RBFOX1: variants seen among roughly 807,000 people sequenced by gnomAD.
RBFOX1 encodes the protein RNA binding protein fox-1 homolog 1.
In RBFOX1, 8 loss-of-function variants were observed where a neutral mutation model predicts 57.7. The observed-to-expected ratio is 0.14, with a 90% CI of 0.08 to 0.25. RBFOX1 has a LOEUF of 0.25. Among genes scored for constraint, RBFOX1 ranks in the 10% least tolerant of loss-of-function variants. The pLI is 1.00. For missense variants in RBFOX1, 611 were observed against 548.5 expected, an observed-to-expected ratio of 1.11 and a Z score of -1.14; for synonymous variants, 326 against 222.4, an observed-to-expected ratio of 1.47 and a Z score of -4.15.
Position 7,176,278 on chromosome 16 carries a change from C to G in RBFOX1, c.27+124180C>G, listed in dbSNP as rs573350526. Among the ~76,000 whole-genome samples the G allele has an allele frequency of 3.2e-4, 48 of 149,344 alleles. 1 individual carries two copies. The highest frequency in any genetic ancestry group is 3.5e-3 in the Middle Eastern group (1 of 288). On this transcript the variant is annotated intron_variant, in intron 4 of 15. Coordinates refer to ENST00000550418, the MANE Select transcript of RBFOX1 (RefSeq NM_018723.4). ...TTACATGAGATAATGCATGTAAGTG[C>G]TTAGCACCATTTTGCATTTCTTTAG...
At chr16:6,891,387 A>G (rs927470596) in intron 3 of RBFOX1, among the ~76,000 whole-genome samples, 3 of 152,298 alleles carry the variant, frequency 2.0e-5, no homozygotes, top group Non-Finnish European at 2.9e-5. Context: ...GGGTCTACCC[A>G]GTTCTGAAAA....
intron 1 of RBFOX1, among the ~76,000 whole-genome samples, chr16:6,113,925 G>A (rs182310805): frequency 2.0e-5 from 3 of 152,174 alleles, no homozygotes; most frequent in Admixed American, 1.3e-4. Context: ...TCATTATTAC[G>A]ATCTGATACT....
chr16:7,120,765 T>A (rs572720840), intron 4 of RBFOX1, among the ~76,000 whole-genome samples: 3 of 148,110 alleles, frequency 2.0e-5, no homozygotes, highest in East Asian at 3.9e-4. Context: ...TCAACTCAAT[T>A]TATGAGTCTA....
intron 3 of RBFOX1, among the ~76,000 whole-genome samples, chr16:6,702,234 C>A (rs2061964322): frequency 6.6e-6 from 1 of 152,148 alleles, no homozygotes; most frequent in Admixed American, 6.6e-5. Context: ...GATCACATTT[C>A]AACATGAGAT....
intron 2 of RBFOX1, among the ~76,000 whole-genome samples, chr16:5,523,308 G>T (rs1175247363): frequency 6.6e-6 from 1 of 151,944 alleles, no homozygotes; most frequent in African/African-American, 2.4e-5. Context: ...AGAGGGGACA[G>T]GTGTCCCTTT....
intron 3 of RBFOX1, among the ~76,000 whole-genome samples, chr16:6,666,644 A>G (rs967071723): frequency 6.6e-6 from 1 of 151,992 alleles, no homozygotes; most frequent in Non-Finnish European, 1.5e-5. Context: ...CTTAACCTCT[A>G]GGCTGTACTG....
At chr16:6,499,754 C>T (rs1281622778) in intron 2 of RBFOX1, among the ~76,000 whole-genome samples, 1 of 152,118 alleles carries the variant, frequency 6.6e-6, no homozygotes, top group Non-Finnish European at 1.5e-5. Context: ...TATAATTTCA[C>T]TTGGAATCAG....
intron 3 of RBFOX1, among the ~76,000 whole-genome samples, chr16:6,706,508 T>G (rs1457868025): frequency 6.6e-6 from 1 of 152,208 alleles, no homozygotes; most frequent in East Asian, 1.9e-4. Flanking sequence ...GATCACTTAC[T>G]TTGCAGCCGT....
chr16:7,688,065 C>T (rs573534608), intron 14 of RBFOX1, among the ~76,000 whole-genome samples: 8 of 151,974 alleles, frequency 5.3e-5, no homozygotes, highest in Non-Finnish European at 1.0e-4. Context: ...GGGCTAAAAA[C>T]CTCTGCCTTA....
At chr16:5,794,321 T>A (rs2054802383) in intron 3 of RBFOX1, among the ~76,000 whole-genome samples, 2 of 151,912 alleles carry the variant, frequency 1.3e-5, no homozygotes, top group South Asian at 4.2e-4. Flanking sequence ...TTCACCTCCT[T>A]TTTTTCCTCA....
chr16:6,790,278 G>T (rs2082696878), intron 3 of RBFOX1, among the ~76,000 whole-genome samples: 1 of 151,614 alleles, frequency 6.6e-6, no homozygotes, highest in Non-Finnish European at 1.5e-5. Flanking sequence ...TCTGCCTCCA[G>T]GGTTCCAGCC....
At chr16:5,756,785 G>A (rs2151633413) in intron 3 of RBFOX1, among the ~76,000 whole-genome samples, 1 of 152,280 alleles carries the variant, frequency 6.6e-6, no homozygotes, top group Middle Eastern at 3.4e-3. Context: ...CAGGGATCTT[G>A]GCAAATTGGC....
intron 1 of RBFOX1, among the ~76,000 whole-genome samples, chr16:5,267,175 A>C (rs1248800661): frequency 2.0e-5 from 3 of 152,206 alleles, no homozygotes; most frequent in African/African-American, 7.2e-5. Flanking sequence ...TGGAAGCCCA[A>C]AGCATTGAGC....
chr16:6,756,975 C>G (rs532421335), intron 3 of RBFOX1, among the ~76,000 whole-genome samples: 58 of 100,176 alleles, frequency 5.8e-4, no homozygotes, highest in South Asian at 1.7e-3. Flanking sequence ...AACTCCATCT[C>G]AAACAAACAG....
intron 2 of RBFOX1, among the ~76,000 whole-genome samples, chr16:5,571,096 T>C (rs187867417): frequency 1.0e-3 from 153 of 152,150 alleles, no homozygotes; most frequent in African/African-American, 3.5e-3. Flanking sequence ...GAAGATCCCC[T>C]GATCACTCCC....
At chr16:5,977,259 T>A (rs146939279) in intron 4 of RBFOX1, among the ~76,000 whole-genome samples, 192 of 152,314 alleles carry the variant, frequency 1.3e-3, no homozygotes, top group African/African-American at 4.5e-3. Context: ...ACCACCTCTC[T>A]GCCTGCCCCA....
At chr16:5,636,753 C>T (rs2048697523) in intron 3 of RBFOX1, among the ~76,000 whole-genome samples, 1 of 152,204 alleles carries the variant, frequency 6.6e-6, no homozygotes, top group Non-Finnish European at 1.5e-5. Flanking sequence ...GCAGGGTTGC[C>T]TTCCAGAGCT....
chr16:5,255,068 C>A (rs1297864932), intron 1 of RBFOX1, among the ~76,000 whole-genome samples: 1 of 151,982 alleles, frequency 6.6e-6, no homozygotes, highest in African/African-American at 2.4e-5. Flanking sequence ...AGATCAACAT[C>A]TTCTGTTAGT....
chr16:6,327,315 G>C lies in RBFOX1; in HGVS notation c.-64+10258G>C, dbSNP rs138855288. Among the ~76,000 whole-genome samples, 60 of 152,094 alleles carry C rather than the reference G, an allele frequency of 3.9e-4. No homozygotes were observed. In the South Asian group the frequency reaches 7.5e-3, roughly 19 times the overall value. ...GATGATGTTTTTCCGCTTTATCTTAGAATATCTAGTAGGTTTCTGCTTTTC... is the reference window on the plus strand; with the variant it reads ...GATGATGTTTTTCCGCTTTATCTTACAATATCTAGTAGGTTTCTGCTTTTC... On this transcript the variant is annotated intron_variant, in intron 2 of 15. Transcript: ENST00000550418.
Sources: gnomAD v4.1 joint callset for allele counts (sites outside exome capture counted in the v4.1 genomes callset) on GRCh38, gnomAD v4.1.1 for gene constraint, MANE v1.5 for transcripts, NCBI Gene and HGNC (gene_info 2026-07-23, HGNC 2026-07-21) for gene names.